The following FOXN4 variants were observed in gnomAD, a reference collection of about 807,000 sequenced individuals.
FOXN4 encodes forkhead box protein N4.
A neutral mutation model predicts 45.0 loss-of-function variants in FOXN4; 12 were observed. The ratio of observed to expected loss-of-function variants is 0.27; its 90% CI spans 0.17 to 0.43. The LOEUF (loss-of-function observed/expected upper bound fraction) is 0.43. FOXN4 is among the 20% of genes least tolerant of loss of function. The pLI is 1.00. For synonymous variants in FOXN4, 297 were observed against 295.0 expected (o/e 1.01, Z -0.07); for missense variants, 560 against 694.9 (o/e 0.81, Z 2.18).
chr12:109,281,304 G>T, intron 9 of FOXN4, 103 bp downstream of exon 9: 1 of 1,419,756 alleles, frequency 7.0e-7, no homozygotes, highest in Non-Finnish European at 9.6e-7. Flanking sequence ...GAACAAGACT[G>T]TGGGGCAAAT....
chr12:109,296,750 T>C (rs983614249), intron 2 of FOXN4, among the ~76,000 whole-genome samples: 12 of 152,154 alleles, frequency 7.9e-5, no homozygotes, highest in Non-Finnish European at 1.6e-4. Context: ...ACACAAAGGC[T>C]GCTCTACAAG....
chr12:109,287,836 C>T lies in FOXN4; in HGVS notation c.468+8G>A. 1 of 1,547,762 alleles carries T rather than the reference C, an allele frequency of 6.5e-7. No homozygotes were observed. The highest frequency in any genetic ancestry group is 8.7e-7 in the Non-Finnish European group (1 of 1,146,242). ...GCTCAGTCCAGGGCTCCCCTGAGCC[C>T]TTGGTACCTGCTGGGCACCCGGGGG... On this transcript the variant is annotated splice_region_variant and intron_variant, in intron 5 of 9. Coordinates refer to ENST00000299162, the MANE Select transcript of FOXN4 (RefSeq NM_213596.3). This position sits in a 1 kb window ranked among gnomAD's most constrained non-coding sequence, Gnocchi z 4.1.
rs1267445193 is a variant in FOXN4, at chr12:109,278,515, C to T, written c.*1156G>A. ...AAGAAGCATAAAAACAGCTGCAGGG[C>T]AAAGGGAGGTGAGGAAGTGCCAATA... On this transcript the variant is annotated 3_prime_UTR_variant, in exon 10 of 10. Coordinates refer to ENST00000299162, the MANE Select transcript of FOXN4 (RefSeq NM_213596.3). 1.3e-5 allele frequency: 2 copies of T among 152,200 alleles called. No individual in the cohort carries two copies. Among genetic ancestry groups the T allele is most frequent in the African/African-American group, 4.8e-5 (2 of 41,450 alleles). The allele number at this position is 152,200 out of a possible 1,614,324, so 9.4% of individuals were successfully genotyped here.
intron 2 of FOXN4, among the ~76,000 whole-genome samples, chr12:109,292,005 G>A (rs189809598): frequency 4.9e-4 from 74 of 152,308 alleles, no homozygotes; most frequent in African/African-American, 1.7e-3. Context: ...TGACAGCCAC[G>A]GCCCCGGGCC....
At chr12:109,303,681 A>G (rs2047887132) in intron 2 of FOXN4, among the ~76,000 whole-genome samples, 1 of 152,210 alleles carries the variant, frequency 6.6e-6, no homozygotes, top group Non-Finnish European at 1.5e-5. Context: ...TGAGGGTCCA[A>G]GAAGCCAGAA....
At chr12:109,294,218 A>G (rs2047796176) in intron 2 of FOXN4, among the ~76,000 whole-genome samples, 1 of 152,092 alleles carries the variant, frequency 6.6e-6, no homozygotes, top group Admixed American at 6.6e-5. Context: ...ACTTCCAGCT[A>G]TGCTCTGGGG....
intron 2 of FOXN4, among the ~76,000 whole-genome samples, chr12:109,303,268 A>G (rs1593787914): frequency 6.6e-6 from 1 of 152,180 alleles, no homozygotes; most frequent in Non-Finnish European, 1.5e-5. Context: ...ATGGGAAGAC[A>G]TCGGGATGGT....
Position 109,279,856 on chromosome 12 carries a change from C to T in FOXN4, c.1369G>A (p.Gly457Ser). The T allele has an allele frequency of 6.2e-7, 1 of 1,613,958 alleles. No individual in the cohort carries two copies. Among genetic ancestry groups the T allele is most frequent in the Non-Finnish European group, 8.5e-7 (1 of 1,179,872 alleles). ...TLGAFADSPL[G>S]CDLGASGLTP... ...AGGCCTGAGGCCCCCAGGTCACAGC[C>T]AAGCGGGGAGTCTGCAAAGGCGCCC... is the stretch of plus-strand genomic sequence containing the variant. Residue 457 changes from glycine to serine, a missense_variant, in exon 10 of 10, where the codon GGC (glycine) becomes AGC (serine). Physicochemically the swap from Gly to Ser is moderately conservative, Grantham distance 56 (BLOSUM62 0). Coordinates refer to ENST00000299162, the MANE Select transcript of FOXN4 (RefSeq NM_213596.3).
chr12:109,285,272 T>TGTGC, intron 8 of FOXN4, 32 bp downstream of exon 8: 1 of 1,502,474 alleles, frequency 6.7e-7, no homozygotes, highest in Non-Finnish European at 9.0e-7. Context: ...TGTGTGTGTG[T>TGTGC]GTGCGCGCAC....
intron 8 of FOXN4, among the ~76,000 whole-genome samples, chr12:109,283,294 A>G (rs2047670258): frequency 6.6e-6 from 1 of 152,048 alleles, no homozygotes; most frequent in African/African-American, 2.4e-5. Flanking sequence ...ATTCACAGTA[A>G]AGATTTTGGT....
chr12:109,289,136 C>A (rs1482673323), intron 3 of FOXN4, among the ~76,000 whole-genome samples: 1 of 152,212 alleles, frequency 6.6e-6, no homozygotes, highest in African/African-American at 2.4e-5. Flanking sequence ...GCAGGCAGTT[C>A]TGTTACACTT....
At chr12:109,282,163 G>C (rs77173631) in intron 8 of FOXN4, among the ~76,000 whole-genome samples, 1,606 of 152,312 alleles carry the variant, frequency 0.011, 27 homozygotes, top group African/African-American at 0.037. Context: ...TGAGGAATAA[G>C]AGACGACATC....
chr12:109,309,161 G>A lies in FOXN4; in HGVS notation c.-46C>T, dbSNP rs971341730. ...GGGGCCGCCGCTGCCGGCGCTCCGG[G>A]GGTGGGCAGGGGTTCCGGAGGGGGG... On this transcript the variant is annotated 5_prime_UTR_variant, in exon 1 of 10. Transcript: ENST00000299162. This position sits in a 1 kb window ranked among gnomAD's most constrained non-coding sequence, Gnocchi z 5.0. 4 of 152,228 alleles carry A rather than the reference G, an allele frequency of 2.6e-5. No homozygotes were observed. The highest frequency in any genetic ancestry group is 9.6e-5 in the African/African-American group (4 of 41,462). The allele number at this position is 152,228 out of a possible 1,614,324, so 9.4% of individuals were successfully genotyped here.
At position 109,287,802 on chromosome 12, in the gene FOXN4, G is replaced by T. The variant is rs1167307328; in HGVS notation, c.468+42C>A. ...GGGTCCCCGGCCAGCCCAAGGCAGG[G>T]TGTCTGCTGCTCAGTCCAGGGCTCC... On this transcript the variant is annotated intron_variant, in intron 5 of 9. Transcript: ENST00000299162. The surrounding 1 kb of genome is among the most constrained non-coding windows in gnomAD (Gnocchi z 4.1). 5 of 1,501,134 alleles carry T rather than the reference G, an allele frequency of 3.3e-6. No homozygotes were observed. Among genetic ancestry groups the T allele is most frequent in the Non-Finnish European group, 4.4e-6 (5 of 1,124,166 alleles). The allele number at this position is 1,501,134 out of a possible 1,614,324, so 93.0% of individuals were successfully genotyped here.
Position 109,281,741 on chromosome 12 carries a change from C to G in FOXN4, c.960G>C (p.Pro320=), listed in dbSNP as rs761386254. 1.2e-6 allele frequency: 2 copies of G among 1,606,178 alleles called. No homozygotes were observed. Among genetic ancestry groups the G allele is most frequent in the African/African-American group, 2.7e-5 (2 of 74,818 alleles). Residue 320 remains proline, a synonymous_variant, in exon 9 of 10, where the codon CCG becomes CCC. Coordinates refer to ENST00000299162, the MANE Select transcript of FOXN4 (RefSeq NM_213596.3). ...TCAGCACGGGGGCCTCTGGTTCCCCCGGTTTGCCGGGGCGCCGGCAGCTTT... is the reference window on the plus strand; with the variant it reads ...TCAGCACGGGGGCCTCTGGTTCCCCGGGTTTGCCGGGGCGCCGGCAGCTTT... The part of the protein sequence containing the change: ...RPESCRRPGK[P]GEPEAPVLTH...
At chr12:109,304,295 G>GAGAAA in intron 2 of FOXN4, among the ~76,000 whole-genome samples, 1 of 40,048 alleles carries the variant, frequency 2.5e-5, no homozygotes, top group South Asian at 6.1e-4. Flanking sequence ...AAGAAAGAAA[G>GAGAAA]GAGAAAGAAA....
Position 109,286,629 on chromosome 12 carries a change from A to AGT in FOXN4, c.693+18_693+19insAC. On this transcript the variant is annotated intron_variant, in intron 7 of 9. Transcript: ENST00000299162. Reference sequence around the variant, plus strand: ...AGACCAGGGCAGCTCCAGCACCCCTACCCTAGCTTGGGACTCACCTTGAAG... The same window carrying AGT: ...AGACCAGGGCAGCTCCAGCACCCCTAGTCCCTAGCTTGGGACTCACCTTGAAG... 6.3e-7 allele frequency: 1 copy of AGT among 1,597,006 alleles called. No homozygotes were observed. Among genetic ancestry groups the AGT allele is most frequent in the East Asian group, 2.3e-5 (1 of 44,328 alleles).
rs73401953 is a variant in FOXN4 at position 109,291,519 on chromosome 12, C to T, written c.87-1233G>A. 0.035 allele frequency among the ~76,000 whole-genome samples: 5,343 copies of T among 152,156 alleles called. 308 individuals are homozygous for T. Among genetic ancestry groups the T allele is most frequent in the African/African-American group, 0.12 (5,071 of 41,482 alleles). ...GCCTCTCGGAGGCTCCAGCAAAGCC[C>T]GGCCCCTTCCCTCCCTCCATCTGCT... On this transcript the variant is annotated intron_variant, in intron 2 of 9. Transcript: ENST00000299162. The surrounding 1 kb of genome is among the most constrained non-coding windows in gnomAD (Gnocchi z 6.6).
Position 109,290,376 on chromosome 12 carries a change from T to C in FOXN4, c.87-90A>G. 1 of 1,427,980 alleles carries C rather than the reference T, an allele frequency of 7.0e-7. No individual in the cohort carries two copies. The highest frequency in any genetic ancestry group is 9.3e-7 in the Non-Finnish European group (1 of 1,077,678). 88.5% of individuals were successfully genotyped at this position (1,427,980 alleles called of 1,614,324 possible). ...CCGACCTCTGGAAGCACCCGCTTAA[T>C]GTGCCTCATCTCCCCAAGCCACGCC... On this transcript the variant is annotated intron_variant, in intron 2 of 9. Transcript: ENST00000299162. The surrounding 1 kb of genome is among the most constrained non-coding windows in gnomAD (Gnocchi z 5.1).
Sources: allele counts gnomAD v4.1 joint callset (sites outside exome capture counted in the v4.1 genomes callset), GRCh38; gene constraint gnomAD v4.1.1; non-coding constraint Gnocchi (gnomAD v3.1); transcripts MANE v1.5; gene names NCBI Gene and HGNC (gene_info 2026-07-23, HGNC 2026-07-21).